The following PDE3B variants were observed in gnomAD, a reference collection of about 807,000 sequenced individuals.
PDE3B encodes the protein cGMP-inhibited 3',5'-cyclic phosphodiesterase 3B.
A neutral mutation model predicts 116.8 loss-of-function variants in PDE3B; 66 were observed. The ratio of observed to expected loss-of-function variants is 0.56; its 90% CI spans 0.46 to 0.69. The LOEUF (loss-of-function observed/expected upper bound fraction) is 0.69, where lower values mean the gene tolerates loss of function less well. Among genes scored for constraint, PDE3B ranks in the 30% least tolerant of loss-of-function variants. The probability of loss-of-function intolerance (pLI) is 0.00; values close to 1 mark genes in which losing one functional copy is unlikely to be tolerated. For missense variants in PDE3B, 1,384 were observed against 1,368.1 expected (o/e 1.01, Z -0.18); for synonymous variants, 595 against 533.6 (o/e 1.12, Z -1.59).
chr11:14,660,832 A>G (rs993909642), intron 1 of PDE3B, among the ~76,000 whole-genome samples: 5 of 152,346 alleles, frequency 3.3e-5, no homozygotes, highest in African/African-American at 1.2e-4. Context: ...AGAAAGGAGA[A>G]TGTAAGCATC....
At chr11:14,891,260 T>C in the PDE3B span, 1 of 985,252 alleles carries the variant, frequency 1.0e-6, no homozygotes, top group Non-Finnish European at 1.2e-6. Context: ...CGGCTGGTTA[T>C]GAGTTTTAAA....
chr11:14,878,179 G>A, the PDE3B span: 1 of 1,613,086 alleles, frequency 6.2e-7, no homozygotes, highest in Non-Finnish European at 8.5e-7. Context: ...TGCCTAACCT[G>A]GGCTTCAGAT....
At chr11:14,769,056 C>A (rs1460058455) in intron 1 of PDE3B, among the ~76,000 whole-genome samples, 1 of 151,366 alleles carries the variant, frequency 6.6e-6, no homozygotes, top group Non-Finnish European at 1.5e-5. Flanking sequence ...GTAAGACCTG[C>A]TGCTTTAGGG....
At chr11:14,894,123 A>G in the PDE3B span, among the ~76,000 whole-genome samples, 2 of 152,178 alleles carry the variant, frequency 1.3e-5, no homozygotes, top group Non-Finnish European at 2.9e-5. Flanking sequence ...AGTTACCCCC[A>G]CAGGTATGTG....
chr11:14,655,338 TACACATATATACAC>T (rs1046879588), intron 1 of PDE3B, among the ~76,000 whole-genome samples: 7 of 152,336 alleles, frequency 4.6e-5, no homozygotes, highest in African/African-American at 1.7e-4. Context: ...TATATATACA[TACACATATATACAC>T]ACACATATAA....
intron 7 of PDE3B, among the ~76,000 whole-genome samples, 154 bp downstream of exon 7, chr11:14,819,363 C>G (rs958628288): frequency 2.0e-5 from 3 of 151,966 alleles, no homozygotes; most frequent in Admixed American, 6.5e-5. Flanking sequence ...TTATTTAGAA[C>G]AAATTATAAG....
At chr11:14,880,661 A>G in the PDE3B span, 1 of 1,597,220 alleles carries the variant, frequency 6.3e-7, no homozygotes, top group South Asian at 1.1e-5. Context: ...GTTTCTTCCA[A>G]GATTTTAGAT....
the PDE3B span, among the ~76,000 whole-genome samples, chr11:14,879,660 A>G: frequency 6.6e-6 from 1 of 151,758 alleles, no homozygotes; most frequent in African/African-American, 2.4e-5. Context: ...TAACAAGCCA[A>G]TAGGATATAG....
chr11:14,893,334 G>A, the PDE3B span, among the ~76,000 whole-genome samples: 103 of 152,302 alleles, frequency 6.8e-4, 1 homozygote, highest in African/African-American at 2.4e-3. Context: ...TAGCAGGCAA[G>A]GGCTGTCAAG....
intron 1 of PDE3B, among the ~76,000 whole-genome samples, chr11:14,717,567 A>T (rs1277023460): frequency 1.3e-5 from 1 of 76,902 alleles, no homozygotes; most frequent in Non-Finnish European, 2.5e-5. Context: ...CTAACAGCGG[A>T]TCTCTCGGTA....
At position 14,869,613 on chromosome 11, in the gene PDE3B, C is replaced by G. The variant is rs1425704991; in HGVS notation, c.3292C>G (p.Gln1098Glu). The change falls in exon 16 of 16, where the codon CAA (glutamine) becomes GAA (glutamate). Residue 1098 changes from glutamine (Q) to glutamate (E), a missense_variant. Around this residue, in one of 2 missense-constraint regions of PDE3B, gnomAD observed 428 missense variants for 561.4 expected, o/e 0.76. Coordinates refer to ENST00000282096, the MANE Select transcript of PDE3B (RefSeq NM_000922.4). ...GCAGGTGGAGAATTCCTCCTTACCT[C>G]AAGCAGATGAGATTCAGGTAATTGA... ...KLQVENSSLP[Q>E]ADEIQVIEEA... is the part of the protein sequence containing the mutation. 2.5e-6 allele frequency: 4 copies of G among 1,613,620 alleles called. No individual in the cohort carries two copies. Among genetic ancestry groups the G allele is most frequent in the Non-Finnish European group, 2.5e-6 (3 of 1,179,866 alleles).
intron 1 of PDE3B, among the ~76,000 whole-genome samples, chr11:14,670,962 C>CT (rs2133780259): frequency 6.6e-6 from 1 of 151,988 alleles, no homozygotes; most frequent in East Asian, 1.9e-4. Context: ...TTGCATCAGT[C>CT]TCCTGAGCAG....
intron 1 of PDE3B, among the ~76,000 whole-genome samples, chr11:14,651,353 G>A (rs777505586): frequency 2.6e-4 from 39 of 152,180 alleles, no homozygotes; most frequent in Non-Finnish European, 4.7e-4. Context: ...GATTATCCCC[G>A]TAGAGACCTT....
At chr11:14,668,298 T>C (rs1282187142) in intron 1 of PDE3B, among the ~76,000 whole-genome samples, 2 of 152,184 alleles carry the variant, frequency 1.3e-5, no homozygotes, top group Non-Finnish European at 2.9e-5. Flanking sequence ...TTTTGTGTTA[T>C]AGCCTCTATA....
chr11:14,876,619 A>G (rs1848192132), downstream of PDE3B, among the ~76,000 whole-genome samples: 1 of 152,176 alleles, frequency 6.6e-6, no homozygotes, highest in Admixed American at 6.6e-5. Flanking sequence ...CATAACTCAG[A>G]ACCTACAGGA....
At chr11:14,699,009 C>A (rs1016821973) in intron 1 of PDE3B, 6 of 151,918 alleles carry the variant, frequency 3.9e-5, no homozygotes, top group Non-Finnish European at 7.4e-5. Context: ...TCCTGTCGGT[C>A]TAAGAAGGGC....
chr11:14,858,997 T>C, intron 12 of PDE3B, 46 bp from the exon 13 acceptor site: 3 of 1,363,938 alleles, frequency 2.2e-6, no homozygotes, highest in Non-Finnish European at 2.1e-6. Flanking sequence ...TATTAAACTT[T>C]AATATCTTTG....
rs117324287 is a variant in PDE3B, at chr11:14,668,420, T to C, written c.978+23367T>C. 6.6e-3 allele frequency among the ~76,000 whole-genome samples: 1,001 copies of C among 152,294 alleles called. 6 individuals are homozygous for C. Among genetic ancestry groups the C allele is most frequent in the Middle Eastern group, 0.014 (4 of 294 alleles). On this transcript the variant is annotated intron_variant, in intron 1 of 15. Coordinates refer to ENST00000282096, the MANE Select transcript of PDE3B (RefSeq NM_000922.4). The stretch of plus-strand genomic sequence containing the variant: ...ATTATTCATCATATTATTTGCATTA[T>C]GTTAAACCCTGGTCAACCCTTAAAA...
At chr11:14,874,395 T>C (rs527936344), downstream of PDE3B, among the ~76,000 whole-genome samples, 1 of 152,172 alleles carries the variant, frequency 6.6e-6, no homozygotes, top group Non-Finnish European at 1.5e-5. Flanking sequence ...TATTTATTCA[T>C]GTGACTGTAA....
Sources: gnomAD v4.1 joint callset for allele counts (sites outside exome capture counted in the v4.1 genomes callset) on GRCh38, gnomAD v4.1.1 for gene constraint, gnomAD v4.1.1 regional missense constraint, MANE v1.5 for transcripts, NCBI Gene and HGNC (gene_info 2026-07-23, HGNC 2026-07-21) for gene names.